The following IL1RAPL1 variants were observed in gnomAD, a reference collection of about 807,000 sequenced individuals.
IL1RAPL1 encodes the protein interleukin-1 receptor accessory protein-like 1.
In IL1RAPL1, 3 loss-of-function variants were observed where a neutral mutation model predicts 48.4. The ratio of observed to expected loss-of-function variants is 0.06; its 90% confidence interval spans 0.03 to 0.16. IL1RAPL1 has a LOEUF of 0.16. Among genes scored for constraint, IL1RAPL1 ranks in the 10% least tolerant of loss-of-function variants. The pLI is 1.00. For missense variants in IL1RAPL1, 349 were observed against 530.6 expected (o/e 0.66, Z 3.36); for synonymous variants, 185 against 187.7 (o/e 0.99, Z 0.12).
chrX:29,245,438 T>C (rs955127001), intron 2 of IL1RAPL1, among the ~76,000 whole-genome samples: 3 of 111,781 alleles, frequency 2.7e-5, no homozygotes, highest in African/African-American at 9.8e-5. Flanking sequence ...CCAGCATCTG[T>C]TGTTTCCTGA....
rs770303008 is a variant in IL1RAPL1, at chrX:29,917,181, T to C, written c.779-283T>C. On this transcript the variant is annotated intron_variant, in intron 6 of 10. Transcript: ENST00000378993. ...ATCATTCATGACCTCAATCTAATCA[T>C]GAGAAAACATCAGGCAAACCGAACG... Among the ~76,000 whole-genome samples, 3 of 112,124 alleles carry C rather than the reference T, an allele frequency of 2.7e-5. No individual in the cohort carries two copies. In the South Asian group the frequency reaches 1.1e-3, roughly 41 times the overall value.
chrX:29,767,237 A>C (rs1485954541), intron 6 of IL1RAPL1, among the ~76,000 whole-genome samples: 1 of 112,320 alleles, frequency 8.9e-6, no homozygotes, highest in Non-Finnish European at 1.9e-5. Context: ...CTAATCTTGA[A>C]TGAAGAATGG....
intron 1 of IL1RAPL1, among the ~76,000 whole-genome samples, chrX:28,751,047 A>G (rs1038222753): frequency 8.9e-6 from 1 of 111,940 alleles, no homozygotes; most frequent in African/African-American, 3.2e-5. Context: ...ATTACGTTAT[A>G]TAATAGGACA....
chrX:28,729,211 A>G (rs890140018), intron 1 of IL1RAPL1, among the ~76,000 whole-genome samples: 2 of 111,916 alleles, frequency 1.8e-5, no homozygotes, highest in African/African-American at 3.2e-5. Context: ...AATTATATGT[A>G]TAAAATTCCC....
intron 9 of IL1RAPL1, among the ~76,000 whole-genome samples, chrX:29,954,235 C>CAAAAAAAAAAAA (rs34345826): frequency 3.9e-4 from 12 of 30,424 alleles, no homozygotes; most frequent in African/African-American, 6.0e-4. Context: ...GACTGTGTCC[C>CAAAAAAAAAAAA]AAAAAAAAAA....
chrX:29,110,133 G>C (rs1159837446), intron 2 of IL1RAPL1, among the ~76,000 whole-genome samples: 1 of 111,704 alleles, frequency 9.0e-6, no homozygotes, highest in Non-Finnish European at 1.9e-5. Flanking sequence ...ACAACAAAAA[G>C]GTACTTAACA....
intron 2 of IL1RAPL1, among the ~76,000 whole-genome samples, chrX:29,194,459 G>T (rs1930406849): frequency 8.9e-6 from 1 of 112,542 alleles, no homozygotes. Flanking sequence ...GCATTCATGT[G>T]TAGATATCTA....
intron 6 of IL1RAPL1, among the ~76,000 whole-genome samples, chrX:29,881,661 C>T (rs2147214998): frequency 9.0e-6 from 1 of 110,801 alleles, no homozygotes; most frequent in South Asian, 3.8e-4. Flanking sequence ...GGGTATCCAT[C>T]CCCTCAAACA....
At chrX:28,996,753 C>T (rs906277663) in intron 2 of IL1RAPL1, among the ~76,000 whole-genome samples, 1 of 110,858 alleles carries the variant, frequency 9.0e-6, no homozygotes, top group Non-Finnish European at 1.9e-5. Context: ...AGCTTTTTCA[C>T]AATCTGATTG....
rs1024597482 is a variant in IL1RAPL1, at chrX:28,733,146, A to G, written c.-24-56174A>G. Among the ~76,000 whole-genome samples the G allele has an allele frequency of 7.3e-5, 8 of 109,858 alleles. No homozygotes were observed. In the South Asian group the frequency reaches 1.2e-3, roughly 16 times the overall value. On this transcript the variant is annotated intron_variant, in intron 1 of 10. Transcript: ENST00000378993. ...CAGGTGCACACACAGTTATATATATATATACATACTTAGGACAGTAACAGA... is the reference window on the plus strand; with the variant it reads ...CAGGTGCACACACAGTTATATATATGTATACATACTTAGGACAGTAACAGA...
Position 29,239,414 on chromosome X carries a change from G to C in IL1RAPL1, c.83-43524G>C, listed in dbSNP as rs1034800931. On this transcript the variant is annotated intron_variant, in intron 2 of 10. Transcript: ENST00000378993. ...ACATTCAATTTCCAGTTAATCAAAT[G>C]GCAAGTTAAAAATAAGTAGTGTGCA... Among the ~76,000 whole-genome samples the C allele has an allele frequency of 1.1e-4, 12 of 112,259 alleles. No individual in the cohort carries two copies. The Admixed American group carries it at 1.1e-3, about 11-fold the overall frequency.
chrX:29,332,003 T>G (rs1449253309), intron 3 of IL1RAPL1, among the ~76,000 whole-genome samples: 1 of 109,665 alleles, frequency 9.1e-6, no homozygotes, highest in East Asian at 2.8e-4. Flanking sequence ...AAGTTAACTA[T>G]TATTATTACT....
intron 6 of IL1RAPL1, among the ~76,000 whole-genome samples, chrX:29,761,023 A>G (rs1349655787): frequency 9.0e-6 from 1 of 111,678 alleles, no homozygotes; most frequent in East Asian, 2.8e-4. Flanking sequence ...AACCACCCTG[A>G]TGTAGGTTCT....
chrX:29,370,542 A>G (rs897782240), intron 3 of IL1RAPL1, among the ~76,000 whole-genome samples: 1 of 109,826 alleles, frequency 9.1e-6, no homozygotes, highest in African/African-American at 3.3e-5. Context: ...CCCTGTTCCT[A>G]AAAGGAGATG....
intron 2 of IL1RAPL1, among the ~76,000 whole-genome samples, chrX:29,240,421 G>A (rs1931402805): frequency 9.5e-6 from 1 of 105,478 alleles, no homozygotes; most frequent in Admixed American, 1.0e-4. Flanking sequence ...TTTTAGTAGA[G>A]ACGGGGTTTC....
intron 2 of IL1RAPL1, among the ~76,000 whole-genome samples, chrX:29,080,999 TC>T (rs1569232812): frequency 0.015 from 926 of 61,603 alleles, 62 homozygotes; most frequent in African/African-American, 0.061. Context: ...TTTCTTTCTC[TC>T]TCTCTCTCTC....
intron 6 of IL1RAPL1, among the ~76,000 whole-genome samples, chrX:29,752,300 A>T (rs894791970): frequency 4.6e-4 from 49 of 107,006 alleles, no homozygotes; most frequent in African/African-American, 1.5e-3. Context: ...GATCGAGAAC[A>T]TCCTGGCCAA....
At chrX:28,755,970 A>G (rs1936100382) in intron 1 of IL1RAPL1, among the ~76,000 whole-genome samples, 1 of 111,877 alleles carries the variant, frequency 8.9e-6, no homozygotes, top group African/African-American at 3.2e-5. Context: ...ACCACTGCCT[A>G]GGGAAGGCTT....
chrX:29,693,732 A>G (rs770390802), intron 6 of IL1RAPL1, among the ~76,000 whole-genome samples: 49 of 111,825 alleles, frequency 4.4e-4, no homozygotes, highest in Non-Finnish European at 8.5e-4. Context: ...TAATTAGCCC[A>G]CGGATAATTG....
Sources: gnomAD v4.1 joint callset for allele counts (sites outside exome capture counted in the v4.1 genomes callset) on GRCh38, gnomAD v4.1.1 for gene constraint, MANE v1.5 for transcripts, NCBI Gene and HGNC (gene_info 2026-07-23, HGNC 2026-07-21) for gene names.